Variants in CMIP observed in about 807,000 individuals in gnomAD.
CMIP encodes C-Maf-inducing protein.
In CMIP, 13 loss-of-function variants were observed where a neutral mutation model predicts 97.3. That is an observed-to-expected ratio of 0.13 (90% CI 0.09 to 0.21). The LOEUF is 0.21. Ranked by LOEUF, CMIP falls within the 10% of genes least tolerant of loss-of-function variation. The pLI is 1.00. For synonymous variants in CMIP, 538 were observed against 436.3 expected, an observed-to-expected ratio of 1.23 and a Z score of -2.91; for missense variants, 847 against 1,024.9, an observed-to-expected ratio of 0.83 and a Z score of 2.37.
intron 10 of CMIP, among the ~76,000 whole-genome samples, chr16:81,685,191 G>C (rs1905254556): frequency 1.3e-5 from 2 of 152,198 alleles, no homozygotes; most frequent in African/African-American, 4.8e-5. Flanking sequence ...CCGAGGCAAG[G>C]AAGTCCACTT....
At chr16:81,645,992 C>T (rs1309641101) in intron 3 of CMIP, among the ~76,000 whole-genome samples, 1 of 152,020 alleles carries the variant, frequency 6.6e-6, no homozygotes, top group African/African-American at 2.4e-5. Context: ...TAGTACTTAA[C>T]ATAGTGCTTG....
intron 1 of CMIP, among the ~76,000 whole-genome samples, chr16:81,602,589 C>T (rs570343009): frequency 2.0e-5 from 3 of 152,358 alleles, no homozygotes; most frequent in South Asian, 2.1e-4. Context: ...GCCCCTCGCC[C>T]GCCCCAGCGG....
rs142437457 is a variant in CMIP at position 81,445,558 on chromosome 16, G to A, written c.300+17G>A. 2,965 of 1,532,414 alleles carry A rather than the reference G, an allele frequency of 1.9e-3. 42 individuals are homozygous for A. Among genetic ancestry groups the A allele is most frequent in the East Asian group, 6.3e-3 (256 of 40,750 alleles). The allele number at this position is 1,532,414 out of a possible 1,614,324, so 94.9% of individuals were successfully genotyped here. On this transcript the variant is annotated intron_variant, in intron 1 of 20. Transcript: ENST00000537098. The stretch of plus-strand genomic sequence containing the variant: ...TCCGCCACGGTGAGTGGCTCTGCGC[G>A]GCTGCACCCCCGCCTCTCCTCGGGG...
chr16:81,478,351 G>T (rs538870596), intron 1 of CMIP, among the ~76,000 whole-genome samples: 1 of 152,208 alleles, frequency 6.6e-6, no homozygotes, highest in Non-Finnish European at 1.5e-5. Flanking sequence ...TCTGCATGGC[G>T]CCAGCAGCTC....
At chr16:81,471,132 T>C (rs114338858) in intron 1 of CMIP, among the ~76,000 whole-genome samples, 16,136 of 152,222 alleles carry the variant, frequency 0.11, 978 homozygotes, top group African/African-American at 0.17. Flanking sequence ...CATATACACA[T>C]ATACATGCAT....
chr16:81,664,753 A>G (rs905997693), intron 7 of CMIP: 16 of 374,964 alleles, frequency 4.3e-5, no homozygotes. Flanking sequence ...GTAGCCTTGC[A>G]GTGGAGAAAC....
At chr16:81,594,349 G>A (rs565391985) in intron 1 of CMIP, among the ~76,000 whole-genome samples, 2 of 151,586 alleles carry the variant, frequency 1.3e-5, no homozygotes, top group East Asian at 2.0e-4. Context: ...GAACTTAAGA[G>A]CTCAGAGCCA....
At chr16:81,448,946 G>C (rs1906037779) in intron 1 of CMIP, among the ~76,000 whole-genome samples, 1 of 152,234 alleles carries the variant, frequency 6.6e-6, no homozygotes, top group African/African-American at 2.4e-5. Context: ...GGTCGTGTTG[G>C]TTGTAAATGA....
chr16:81,657,326 C>G (rs896627168), intron 4 of CMIP, among the ~76,000 whole-genome samples: 1 of 152,212 alleles, frequency 6.6e-6, no homozygotes, highest in African/African-American at 2.4e-5. Flanking sequence ...ATACGTGTTA[C>G]TCCTAAAAGG....
intron 1 of CMIP, among the ~76,000 whole-genome samples, chr16:81,543,544 T>TG (rs915076823): frequency 5.9e-5 from 9 of 152,080 alleles, no homozygotes; most frequent in African/African-American, 1.7e-4. Flanking sequence ...GTCAGGGTCG[T>TG]GGGGGTAAGA....
intron 10 of CMIP, among the ~76,000 whole-genome samples, chr16:81,687,632 C>G (rs1362498226): frequency 1.3e-5 from 2 of 152,240 alleles, no homozygotes; most frequent in East Asian, 3.9e-4. Context: ...CCTCATTTTC[C>G]TCGTCTGTAA....
chr16:81,486,489 C>T (rs2089315782), intron 1 of CMIP, among the ~76,000 whole-genome samples: 1 of 152,204 alleles, frequency 6.6e-6, no homozygotes, highest in Non-Finnish European at 1.5e-5. Flanking sequence ...ACTTCGGGTC[C>T]TCGCTGGAGT....
intron 1 of CMIP, among the ~76,000 whole-genome samples, chr16:81,508,097 C>G (rs1597487319): frequency 6.6e-6 from 1 of 152,354 alleles, no homozygotes; most frequent in East Asian, 1.9e-4. Flanking sequence ...CAACCTTGTT[C>G]TAGAGACAAA....
In CMIP at chr16:81,610,774, C is replaced by T. The variant is rs528790874; in HGVS notation, c.426+3082C>T. On this transcript the variant is annotated intron_variant, in intron 2 of 20. Transcript: ENST00000537098. ...GGTGCACTTGGCCCCTGGTGTGGTA[C>T]TCAGGGCTTTCTTCAGTCCTGGTTG... 4.9e-4 allele frequency among the ~76,000 whole-genome samples: 74 copies of T among 152,296 alleles called. 1 individual carries two copies. The highest frequency in any genetic ancestry group is 9.4e-4 in the Non-Finnish European group (64 of 68,008).
rs1026638157 is a variant in CMIP, at chr16:81,646,124, A to T, written c.478-6079A>T. Reference sequence around the variant, plus strand: ...GGATGATGAGGTGGGTGAAGGATGGATGGGTGGGTGGGTGGATAGTTGGGT... The same window carrying T: ...GGATGATGAGGTGGGTGAAGGATGGTTGGGTGGGTGGGTGGATAGTTGGGT... On this transcript the variant is annotated intron_variant, in intron 3 of 20. Transcript: ENST00000537098. 5.6e-5 allele frequency among the ~76,000 whole-genome samples: 8 copies of T among 143,738 alleles called. No homozygotes were observed. The East Asian group carries it at 1.6e-3, about 29-fold the overall frequency. 94.3% of individuals were successfully genotyped at this position (143,738 alleles called of 152,430 possible). A position where few individuals can be genotyped will look rare whatever the true frequency, so the allele number is the denominator to read the frequency against.
chr16:81,568,737 G>A (rs2091029302), intron 1 of CMIP, among the ~76,000 whole-genome samples: 1 of 152,244 alleles, frequency 6.6e-6, no homozygotes, highest in Admixed American at 6.5e-5. Context: ...AAGGAGAGCT[G>A]GAGTTGGCTC....
At chr16:81,486,488 C>T (rs1213680716) in intron 1 of CMIP, among the ~76,000 whole-genome samples, 1 of 152,178 alleles carries the variant, frequency 6.6e-6, no homozygotes, top group Non-Finnish European at 1.5e-5. Flanking sequence ...CACTTCGGGT[C>T]CTCGCTGGAG....
At position 81,664,258 on chromosome 16, in the gene CMIP, T is replaced by C; in HGVS notation, c.745-11T>C. ...TAGGGCCGCAGTAACTGTACCCCAC[T>C]CTGTCCCCAGCACTGCAGAGAGCGG... On this transcript the variant is annotated splice_polypyrimidine_tract_variant and intron_variant, in intron 6 of 20. Coordinates refer to ENST00000537098, the MANE Select transcript of CMIP (RefSeq NM_198390.3). 6.3e-7 allele frequency: 1 copy of C among 1,591,796 alleles called. No individual in the cohort carries two copies. Among genetic ancestry groups the C allele is most frequent in the Non-Finnish European group, 8.5e-7 (1 of 1,169,772 alleles).
rs756557757 is a variant in CMIP, at chr16:81,466,589, G to A, written c.300+21048G>A. Among the ~76,000 whole-genome samples the A allele has an allele frequency of 2.6e-5, 4 of 152,170 alleles. No individual in the cohort carries two copies. In the South Asian group the frequency reaches 8.3e-4, roughly 32 times the overall value. On this transcript the variant is annotated intron_variant, in intron 1 of 20. Transcript: ENST00000537098. ...GCATAACTGAGACATTGCTCAGGAA[G>A]CACTTCTTATTGGTATTACTTACGA...
Sources: gnomAD v4.1 joint callset for allele counts (sites outside exome capture counted in the v4.1 genomes callset) on GRCh38, gnomAD v4.1.1 for gene constraint, MANE v1.5 for transcripts, NCBI Gene and HGNC (gene_info 2026-07-23, HGNC 2026-07-21) for gene names.